The following LRRTM4 variants were observed in gnomAD, a reference collection of about 807,000 sequenced individuals.
LRRTM4 encodes leucine-rich repeat transmembrane neuronal protein 4.
Under a neutral mutation model 47.6 loss-of-function variants are expected in LRRTM4, and 25 were observed. That is an observed-to-expected ratio of 0.53 (90% CI 0.38 to 0.73). The LOEUF (loss-of-function observed/expected upper bound fraction) is 0.73, where lower values mean the gene tolerates loss of function less well. Ranked by LOEUF, LRRTM4 falls within the 30% of genes least tolerant of loss-of-function variation. LRRTM4 has a pLI of 0.00. For missense variants in LRRTM4, 638 were observed against 713.4 expected (o/e 0.89, Z 1.20); for synonymous variants, 311 against 269.5 (o/e 1.15, Z -1.51).
intron 3 of LRRTM4, among the ~76,000 whole-genome samples, chr2:77,128,419 T>G (rs1168521933): frequency 6.7e-6 from 1 of 149,510 alleles, no homozygotes; most frequent in Non-Finnish European, 1.5e-5. Flanking sequence ...GATAGATAGA[T>G]AGAGAAATGT....
chr2:77,304,929 G>A (rs1019365690), intron 3 of LRRTM4, among the ~76,000 whole-genome samples: 3 of 151,890 alleles, frequency 2.0e-5, no homozygotes, highest in Non-Finnish European at 2.9e-5. Context: ...TTGTTAAAAC[G>A]ATATCATTTA....
At chr2:76,938,053 A>T (rs1675017328) in intron 3 of LRRTM4, among the ~76,000 whole-genome samples, 1 of 152,044 alleles carries the variant, frequency 6.6e-6, no homozygotes, top group South Asian at 2.1e-4. Context: ...TATTTTAAGA[A>T]TTATCAAATA....
intron 3 of LRRTM4, among the ~76,000 whole-genome samples, chr2:77,172,600 TAA>T (rs111390590): frequency 4.0e-4 from 60 of 150,120 alleles, no homozygotes; most frequent in African/African-American, 1.3e-3. Context: ...CTCAAAAACA[TAA>T]AAAAAAAAAT....
At position 76,813,195 on chromosome 2, in the gene LRRTM4, A is replaced by G. The variant is rs549568889; in HGVS notation, c.1552-64279T>C. 2.0e-5 allele frequency among the ~76,000 whole-genome samples: 3 copies of G among 152,254 alleles called. No homozygotes were observed. In the East Asian group the frequency reaches 5.8e-4, roughly 30 times the overall value. ...AATAAAAATTCCTCAGCTCCACTAA[A>G]GGAGGAATACATGTATATGTGTATA... On this transcript the variant is annotated intron_variant, in intron 3 of 3. Coordinates refer to ENST00000409884, the MANE Select transcript of LRRTM4 (RefSeq NM_001134745.3).
chr2:77,492,975 T>C (rs2104051038), intron 3 of LRRTM4, among the ~76,000 whole-genome samples: 1 of 152,192 alleles, frequency 6.6e-6, no homozygotes, highest in East Asian at 1.9e-4. Flanking sequence ...AATTAGAAAT[T>C]AATTAGAATG....
intron 3 of LRRTM4, among the ~76,000 whole-genome samples, chr2:77,400,034 G>A (rs962351015): frequency 2.4e-4 from 36 of 151,748 alleles, no homozygotes; most frequent in African/African-American, 7.7e-4. Flanking sequence ...ATGACTAAAT[G>A]AGATAATGCC....
At chr2:77,499,576 GAAC>G (rs1678494607) in intron 3 of LRRTM4, among the ~76,000 whole-genome samples, 2 of 151,874 alleles carry the variant, frequency 1.3e-5, no homozygotes, top group Admixed American at 1.3e-4. Flanking sequence ...AAACTGAAAT[GAAC>G]AACATGTGAA....
chr2:77,051,014 C>A (rs1679413361), intron 3 of LRRTM4, among the ~76,000 whole-genome samples: 1 of 145,454 alleles, frequency 6.9e-6, no homozygotes, highest in African/African-American at 2.5e-5. Flanking sequence ...ATACTTAAAA[C>A]ATTTTTTTTT....
chr2:77,446,188 G>A (rs1218075996), intron 3 of LRRTM4, among the ~76,000 whole-genome samples: 1 of 151,940 alleles, frequency 6.6e-6, no homozygotes, highest in African/African-American at 2.4e-5. Flanking sequence ...AAAATGCTAT[G>A]GGTTTTTTTC....
intron 3 of LRRTM4, among the ~76,000 whole-genome samples, chr2:76,972,636 C>G (rs915715438): frequency 6.6e-6 from 1 of 151,664 alleles, no homozygotes; most frequent in African/African-American, 2.4e-5. Context: ...TCAGACTGGT[C>G]GACTCGAACT....
intron 3 of LRRTM4, among the ~76,000 whole-genome samples, chr2:77,011,531 TTGTGTGTGTGTGTGTGTGTGTGTG>T (rs56982328): frequency 9.0e-5 from 13 of 144,046 alleles, no homozygotes; most frequent in Non-Finnish European, 1.1e-4. Flanking sequence ...GAAGAAGCAT[TTGTGTGTGTGTGTGTGTGTGTGTG>T]TGTGTGTGTG....
intron 3 of LRRTM4, among the ~76,000 whole-genome samples, chr2:77,211,822 C>A (rs1674300625): frequency 6.6e-6 from 1 of 151,986 alleles, no homozygotes; most frequent in Admixed American, 6.6e-5. Flanking sequence ...TTACCTTATG[C>A]TGAATGTAAT....
chr2:76,964,445 C>G (rs1675958366), intron 3 of LRRTM4, among the ~76,000 whole-genome samples: 1 of 150,902 alleles, frequency 6.6e-6, no homozygotes, highest in African/African-American at 2.4e-5. Context: ...GAAATGTCCT[C>G]TGATTCTTCT....
chr2:77,500,813 C>T (rs1678545796), intron 3 of LRRTM4, among the ~76,000 whole-genome samples: 1 of 151,390 alleles, frequency 6.6e-6, no homozygotes, highest in Admixed American at 6.6e-5. Context: ...CACTTGTCTA[C>T]CACTAGAGAA....
chr2:77,421,294 C>A (rs1375162031), intron 3 of LRRTM4, among the ~76,000 whole-genome samples: 1 of 152,132 alleles, frequency 6.6e-6, no homozygotes, highest in Admixed American at 6.5e-5. Flanking sequence ...ATATACAAAT[C>A]TTAAGATAAC....
intron 3 of LRRTM4, among the ~76,000 whole-genome samples, chr2:76,859,088 CA>C (rs1240238298): frequency 6.6e-6 from 1 of 152,072 alleles, no homozygotes; most frequent in Non-Finnish European, 1.5e-5. Flanking sequence ...CTATATTTTC[CA>C]AATCAGTTTT....
intron 3 of LRRTM4, among the ~76,000 whole-genome samples, chr2:77,001,551 C>T (rs72823182): frequency 0.14 from 21,291 of 152,020 alleles, 1,589 homozygotes; most frequent in Admixed American, 0.2. Context: ...AAGGCAAGAA[C>T]AGAATCAATA....
chr2:76,883,017 G>A (rs988250499), intron 3 of LRRTM4, among the ~76,000 whole-genome samples: 1 of 152,104 alleles, frequency 6.6e-6, no homozygotes, highest in Non-Finnish European at 1.5e-5. Flanking sequence ...CTGCCAGCCA[G>A]GTAAAGTCTC....
intron 3 of LRRTM4, among the ~76,000 whole-genome samples, chr2:76,942,491 A>ATTTTTTT (rs59455803): frequency 2.6e-4 from 37 of 142,650 alleles, no homozygotes; most frequent in East Asian, 6.1e-4. Flanking sequence ...CTGTGCTAAC[A>ATTTTTTT]TTTTTTTTTT....
Sources: allele counts gnomAD v4.1 joint callset (sites outside exome capture counted in the v4.1 genomes callset), GRCh38; gene constraint gnomAD v4.1.1; transcripts MANE v1.5; gene names NCBI Gene and HGNC (gene_info 2026-07-23, HGNC 2026-07-21).